The following DDX49 variants were observed in gnomAD, a reference collection of about 807,000 sequenced individuals.
DDX49 encodes DEAD-box helicase 49, also known as probable ATP-dependent RNA helicase DDX49.
DDX49 carries 50 observed loss-of-function variants against 56.3 expected under a neutral mutation model. That is an observed-to-expected ratio of 0.89 (90% CI 0.71 to 1.12). DDX49 has a LOEUF of 1.12. DDX49 is among the 50% of genes most tolerant of loss of function. DDX49 has a pLI of 0.00. For missense variants in DDX49, 614 were observed against 650.5 expected, an observed-to-expected ratio of 0.94 and a Z score of 0.61; for synonymous variants, 269 against 270.6, an observed-to-expected ratio of 0.99 and a Z score of 0.06.
rs1368655795 is a variant in DDX49 at position 18,921,766 on chromosome 19, C to CG, written c.325+23dup. 6.2e-7 allele frequency: 1 copy of CG among 1,614,028 alleles called. No individual in the cohort carries two copies. The highest frequency in any genetic ancestry group is 8.5e-7 in the Non-Finnish European group (1 of 1,179,964). On this transcript the variant is annotated intron_variant, in intron 3 of 12. Transcript: ENST00000247003. ...TGGCATGGGTACGGGAGCTGGGAGG[C>CG]GGGGGAAGCCCCAGCATGGGACCCT...
rs200463567 is a variant in DDX49, at chr19:18,927,859, G to A, written c.1191+5G>A. ...GTGCGAAGAGAGTGTGAGATCGTGA[G>A]TGTCAGAGGCGGGCAGGAACTAAAG... On this transcript the variant is annotated splice_donor_5th_base_variant and intron_variant, in intron 11 of 12. Coordinates refer to ENST00000247003, the MANE Select transcript of DDX49 (RefSeq NM_019070.5). 9 of 1,614,108 alleles carry A rather than the reference G, an allele frequency of 5.6e-6. No homozygotes were observed. The Admixed American group carries it at 1.3e-4, about 24-fold the overall frequency.
chr19:18,921,906 G>A lies in DDX49; in HGVS notation c.389G>A (p.Arg130His), dbSNP rs777408968. 1.1e-5 allele frequency: 17 copies of A among 1,613,718 alleles called. No individual in the cohort carries two copies. Among genetic ancestry groups the A allele is most frequent in the Admixed American group, 3.3e-5 (2 of 59,994 alleles). The part of the protein sequence containing the change: ...KPHVVIATPG[R>H]LADHLRSSNT... ...CACGTGGTCATCGCCACGCCGGGGC[G>A]CCTGGCAGATCACCTGCGCAGCTCC... Residue 130 changes from arginine to histidine, a missense_variant, in exon 4 of 13, where the codon CGC (arginine) becomes CAC (histidine). By Grantham distance (29) the Arg-to-His change is conservative. Coordinates refer to ENST00000247003, the MANE Select transcript of DDX49 (RefSeq NM_019070.5).
In DDX49 at chr19:18,928,185, C is replaced by T. The variant is rs746914385; in HGVS notation, c.1321C>T (p.Arg441Trp). The T allele has an allele frequency of 2.8e-5, 45 of 1,585,908 alleles. No individual in the cohort carries two copies. In the East Asian group the frequency reaches 4.2e-4, roughly 15 times the overall value. Reference protein sequence around the residue: ...AELAKIKQKNRRFKEKVEETL... With the variant: ...AELAKIKQKNWRFKEKVEETL... ...GCTGGCCAAGATCAAGCAGAAGAAC[C>T]GGCGCTTCAAGGAGAAGGTGGAGGA... The change falls in exon 13 of 13, where the codon CGG (arginine) becomes TGG (tryptophan). Residue 441 changes from arginine (R) to tryptophan (W), a missense_variant. By Grantham distance (101) the Arg-to-Trp change is moderately radical. Coordinates refer to ENST00000247003, the MANE Select transcript of DDX49 (RefSeq NM_019070.5).
At chr19:18,926,545 C>T (rs915218974) in intron 10 of DDX49, among the ~76,000 whole-genome samples, 168 bp downstream of exon 10, 8 of 152,104 alleles carry the variant, frequency 5.3e-5, no homozygotes, top group African/African-American at 1.9e-4. Context: ...TTCTTTTGCC[C>T]ATTTATTGAA....
At chr19:18,920,753 T>C (rs1195287795) in intron 2 of DDX49, 50 bp downstream of exon 2, 2 of 1,548,800 alleles carry the variant, frequency 1.3e-6, no homozygotes, top group Non-Finnish European at 1.8e-6. Context: ...CTGTGCTCTC[T>C]TGGGCAAGCA....
chr19:18,926,420 T>TGGGGGGGGGG, intron 10 of DDX49, 43 bp downstream of exon 10: 2 of 194,814 alleles, frequency 1.0e-5, no homozygotes, highest in Admixed American at 8.4e-5. Flanking sequence ...AGGGGTGGGG[T>TGGGGGGGGGG]GGGCAGAGGT....
Position 18,927,765 on chromosome 19 carries a change from GAGA to G in DDX49, c.1108_1110del (p.Lys370del), listed in dbSNP as rs773982931. The G allele has an allele frequency of 5.9e-6, 9 of 1,515,232 alleles. No individual in the cohort carries two copies. Among genetic ancestry groups the G allele is most frequent in the East Asian group, 2.3e-5 (1 of 44,428 alleles). The allele number at this position is 1,515,232 out of a possible 1,614,324, so 93.9% of individuals were successfully genotyped here. A position where few individuals can be genotyped will look rare whatever the true frequency, so the allele number is the denominator to read the frequency against. ...CACCCCCGGCTTTGCTGTCCCCACA[GAGA>G]AGAAGCTGGAGGAGTTCTCCGTGGA... On this transcript the variant is annotated inframe_deletion and splice_region_variant, in exon 11 of 13. Transcript: ENST00000247003.
intron 4 of DDX49, 46 bp from the exon 5 acceptor site, chr19:18,922,279 CG>C: frequency 6.3e-7 from 1 of 1,583,882 alleles, no homozygotes. Flanking sequence ...GGCCAAGACC[CG>C]GGGCCATGGA....
chr19:18,920,510 C>T lies in DDX49; in HGVS notation c.116-70C>T, dbSNP rs2056905687. 3 of 1,508,514 alleles carry T rather than the reference C, an allele frequency of 2.0e-6. No homozygotes were observed. The Admixed American group carries it at 5.3e-5, about 27-fold the overall frequency. 93.4% of individuals were successfully genotyped at this position (1,508,514 alleles called of 1,614,324 possible). On this transcript the variant is annotated intron_variant, in intron 1 of 12. Coordinates refer to ENST00000247003, the MANE Select transcript of DDX49 (RefSeq NM_019070.5). ...GCCTGCCACTCACTGGCAGTGTGTC[C>T]TGGGCAAGGTCTCTGAAACCCAGCT...
chr19:18,924,771 G>T, intron 8 of DDX49, 72 bp downstream of exon 8: 1 of 1,613,064 alleles, frequency 6.2e-7, no homozygotes, highest in Non-Finnish European at 8.5e-7. Context: ...GAGAAGGCTG[G>T]CCTCAGGCAT....
Position 18,928,356 on chromosome 19 carries a change from GGAGCT to G in DDX49, c.*44_*48del. ...TCTGCCCAGTCCTTGACTCGTCCATGGAGCTGAGGGTCGGAGGAACCTTCCTTGGG... is the reference window on the plus strand; with the variant it reads ...TCTGCCCAGTCCTTGACTCGTCCATGGAGGGTCGGAGGAACCTTCCTTGGG... On this transcript the variant is annotated 3_prime_UTR_variant, in exon 13 of 13. Coordinates refer to ENST00000247003, the MANE Select transcript of DDX49 (RefSeq NM_019070.5). The G allele has an allele frequency of 6.8e-7, 1 of 1,461,884 alleles. No individual in the cohort carries two copies. Among genetic ancestry groups the G allele is most frequent in the East Asian group, 2.5e-5 (1 of 40,408 alleles). The allele number at this position is 1,461,884 out of a possible 1,614,324, so 90.6% of individuals were successfully genotyped here.
chr19:18,926,425 A>C, intron 10 of DDX49, 48 bp downstream of exon 10: 2 of 542,108 alleles, frequency 3.7e-6, no homozygotes, highest in Non-Finnish European at 6.9e-6. Context: ...TGGGGTGGGC[A>C]GAGGTGGGCA....
chr19:18,924,167 G>A (rs2056941570), intron 6 of DDX49, 66 bp from the exon 7 acceptor site: 2 of 1,520,226 alleles, frequency 1.3e-6, no homozygotes, highest in Non-Finnish European at 1.8e-6. Flanking sequence ...AGGGGCGGGT[G>A]GGGGCAGGAA....
intron 10 of DDX49, among the ~76,000 whole-genome samples, chr19:18,927,028 G>A (rs941122575): frequency 7.6e-5 from 11 of 144,110 alleles, no homozygotes; most frequent in South Asian, 2.2e-4. Flanking sequence ...AGCCAAGGTC[G>A]CGCCATTACG....
chr19:18,927,092 AAG>A (rs1479588971), intron 10 of DDX49, among the ~76,000 whole-genome samples: 7 of 141,540 alleles, frequency 4.9e-5, no homozygotes, highest in African/African-American at 1.9e-4. Context: ...AAAAAAAAAA[AAG>A]AGAAACATCT....
Position 18,928,628 on chromosome 19 carries a change from TCA to T in DDX49, c.*313_*314del, listed in dbSNP as rs1284480151. On this transcript the variant is annotated 3_prime_UTR_variant, in exon 13 of 13. Coordinates refer to ENST00000247003, the MANE Select transcript of DDX49 (RefSeq NM_019070.5). The stretch of plus-strand genomic sequence containing the variant: ...TTAATAAACGGGTCTTTTGACTTCC[TCA>T]GTCTGACTTTCGAAGAGCAGGGGGA... 1 of 301,786 alleles carries T rather than the reference TCA, an allele frequency of 3.3e-6. No homozygotes were observed. The highest frequency in any genetic ancestry group is 2.2e-5 in the African/African-American group (1 of 45,784). 18.7% of individuals were successfully genotyped at this position (301,786 alleles called of 1,614,324 possible).
At position 18,922,407 on chromosome 19, in the gene DDX49, C is replaced by T. The variant is rs558697552; in HGVS notation, c.529C>T (p.Pro177Ser). The T allele has an allele frequency of 1.2e-6, 2 of 1,609,436 alleles. No individual in the cohort carries two copies. Among genetic ancestry groups the T allele is most frequent in the East Asian group, 2.2e-5 (1 of 44,796 alleles). Residue 177 changes from proline (P) to serine (S), a missense_variant, in exon 5 of 13, where the codon CCG becomes TCG. By Grantham distance (74) the Pro-to-Ser change is moderately conservative. Transcript: ENST00000247003. Reference protein sequence around the residue: ...VDLEAILAAVPARRQTLLFSA... With the variant: ...VDLEAILAAVSARRQTLLFSA... Reference sequence around the variant, plus strand: ...CCTGGAGGCCATCCTGGCGGCTGTGCCGGCCCGCAGGCAGACACTGCTGTT... The same window carrying T: ...CCTGGAGGCCATCCTGGCGGCTGTGTCGGCCCGCAGGCAGACACTGCTGTT...
intron 4 of DDX49, 40 bp downstream of exon 4, chr19:18,922,004 T>C: frequency 6.3e-7 from 1 of 1,577,778 alleles, no homozygotes; most frequent in Non-Finnish European, 8.6e-7. Context: ...GGAGCTGGGC[T>C]CGGAGCCTCC....
In DDX49 at chr19:18,922,512, C is replaced by T. The variant is rs781411577; in HGVS notation, c.634C>T (p.Pro212Ser). Residue 212 changes from proline to serine, a missense_variant and splice_region_variant, in exon 5 of 13, where the codon CCG (proline) becomes TCG (serine). Transcript: ENST00000247003. ...NQPFFWEAQA[P>S]VSTVEQLDQR... Reference sequence around the variant, plus strand: ...GCCCTTCTTCTGGGAAGCACAGGCCCCGTGAGTCCACAGCCCAGACAGCGT... The same window carrying T: ...GCCCTTCTTCTGGGAAGCACAGGCCTCGTGAGTCCACAGCCCAGACAGCGT... The T allele has an allele frequency of 1.5e-5, 24 of 1,600,114 alleles. No homozygotes were observed. Among genetic ancestry groups the T allele is most frequent in the Non-Finnish European group, 2.0e-5 (24 of 1,175,618 alleles).
Sources: gnomAD v4.1 joint callset for allele counts (sites outside exome capture counted in the v4.1 genomes callset) on GRCh38, gnomAD v4.1.1 for gene constraint, MANE v1.5 for transcripts, NCBI Gene and HGNC (gene_info 2026-07-23, HGNC 2026-07-21) for gene names.